The following SH3RF3 variants were observed in gnomAD, a reference collection of about 807,000 sequenced individuals.
SH3RF3 encodes SH3 domain containing ring finger 3.
In SH3RF3, 29 loss-of-function variants were observed where a neutral mutation model predicts 66.3. The observed-to-expected ratio is 0.44, with a 90% CI of 0.33 to 0.60. The LOEUF is 0.60. Among genes scored for constraint, SH3RF3 ranks in the 20% least tolerant of loss-of-function variants. SH3RF3 has a pLI of 0.04. For missense variants in SH3RF3, 1,194 were observed against 1,190.9 expected (o/e 1.00, Z -0.04); for synonymous variants, 583 against 532.0 (o/e 1.10, Z -1.32).
At chr2:109,449,131 T>C in intron 7 of SH3RF3, 39 bp from the exon 8 acceptor site, 1 of 1,595,366 alleles carries the variant, frequency 6.3e-7, no homozygotes, top group Non-Finnish European at 8.5e-7. Flanking sequence ...AGTTGCAAAC[T>C]AACCTTTCAA....
chr2:109,225,808 C>T (rs553527270), intron 1 of SH3RF3, among the ~76,000 whole-genome samples: 4 of 152,144 alleles, frequency 2.6e-5, no homozygotes, highest in East Asian at 1.9e-4. Flanking sequence ...CTCTGTTGCC[C>T]GGGCTGCACT....
intron 1 of SH3RF3, among the ~76,000 whole-genome samples, chr2:109,186,219 T>C (rs1678184138): frequency 6.6e-6 from 1 of 152,248 alleles, no homozygotes; most frequent in Non-Finnish European, 1.5e-5. Flanking sequence ...GAAGACGAAG[T>C]GAACTGGAGT....
At chr2:109,358,376 G>T (rs1682993486) in intron 2 of SH3RF3, among the ~76,000 whole-genome samples, 1 of 152,206 alleles carries the variant, frequency 6.6e-6, no homozygotes, top group Admixed American at 6.5e-5. Context: ...GCAGGTTTTT[G>T]TGTGGACATA....
chr2:109,384,043 G>GA (rs1228564948), intron 3 of SH3RF3, among the ~76,000 whole-genome samples: 1 of 152,182 alleles, frequency 6.6e-6, no homozygotes, highest in Admixed American at 6.5e-5. Context: ...TCCATCAGAG[G>GA]ACCACTTGCT....
chr2:109,275,514 G>T (rs370311000), intron 1 of SH3RF3, among the ~76,000 whole-genome samples: 1 of 152,112 alleles, frequency 6.6e-6, no homozygotes, highest in Admixed American at 6.5e-5. Flanking sequence ...GATTGTTCCC[G>T]ATGACCTAGT....
At chr2:109,405,058 C>T (rs1031149144) in intron 4 of SH3RF3, among the ~76,000 whole-genome samples, 1 of 148,390 alleles carries the variant, frequency 6.7e-6, no homozygotes. Flanking sequence ...TACACAAATA[C>T]CCCCCACCTT....
intron 1 of SH3RF3, among the ~76,000 whole-genome samples, chr2:109,188,723 G>A (rs373855129): frequency 1.8e-4 from 27 of 152,268 alleles, no homozygotes; most frequent in East Asian, 5.8e-4. Context: ...GGTGCTTGCC[G>A]TCAGTGTGTG....
chr2:109,389,416 G>C (rs573318652), intron 3 of SH3RF3, among the ~76,000 whole-genome samples: 1 of 152,352 alleles, frequency 6.6e-6, no homozygotes, highest in South Asian at 2.1e-4. Flanking sequence ...TTGACATCTT[G>C]ACCGAGGGCA....
chr2:109,381,967 A>G (rs1479912735), intron 3 of SH3RF3, among the ~76,000 whole-genome samples: 2 of 152,100 alleles, frequency 1.3e-5, no homozygotes, highest in African/African-American at 4.8e-5. Flanking sequence ...ATGAGGTGGA[A>G]TTTGGCTCTT....
At chr2:109,149,187 C>A (rs931186329) in intron 1 of SH3RF3, among the ~76,000 whole-genome samples, 1 of 152,106 alleles carries the variant, frequency 6.6e-6, no homozygotes, top group African/African-American at 2.4e-5. Context: ...CAGGGCAGGG[C>A]CACACTGCTG....
intron 9 of SH3RF3, among the ~76,000 whole-genome samples, chr2:109,491,831 GA>G (rs1484214320): frequency 6.6e-6 from 1 of 152,198 alleles, no homozygotes; most frequent in Non-Finnish European, 1.5e-5. Flanking sequence ...GTTTCTGCCA[GA>G]ACCTTTCCTC....
At chr2:109,248,719 CCTT>C (rs1310828635) in intron 1 of SH3RF3, among the ~76,000 whole-genome samples, 13 of 152,052 alleles carry the variant, frequency 8.5e-5, no homozygotes, top group East Asian at 1.9e-4. Context: ...TTCCTTGCCT[CCTT>C]CTTTTCTTTC....
At chr2:109,482,334 G>A (rs1422847933) in intron 8 of SH3RF3, among the ~76,000 whole-genome samples, 1 of 152,126 alleles carries the variant, frequency 6.6e-6, no homozygotes, top group Non-Finnish European at 1.5e-5. Flanking sequence ...TACACATGAG[G>A]GAAGTGGGGC....
At chr2:109,435,654 G>A (rs537075236) in intron 6 of SH3RF3, among the ~76,000 whole-genome samples, 73 of 152,382 alleles carry the variant, frequency 4.8e-4, no homozygotes, top group African/African-American at 1.6e-3. Flanking sequence ...AGGGCAGAGG[G>A]AAAGGGTTTT....
At chr2:109,132,169 T>G (rs1574466167) in intron 1 of SH3RF3, among the ~76,000 whole-genome samples, 1 of 152,208 alleles carries the variant, frequency 6.6e-6, no homozygotes, top group South Asian at 2.1e-4. Flanking sequence ...TATGCCATGA[T>G]AGCAGGTAAC....
intron 1 of SH3RF3, among the ~76,000 whole-genome samples, chr2:109,139,538 A>G (rs1482811192): frequency 6.6e-6 from 1 of 152,194 alleles, no homozygotes; most frequent in African/African-American, 2.4e-5. Context: ...AAAACTTCCA[A>G]TGCTAGAAAT....
At position 109,129,410 on chromosome 2, in the gene SH3RF3, G is replaced by A; in HGVS notation, c.-131G>A. The A allele has an allele frequency of 7.0e-7, 1 of 1,437,988 alleles. No homozygotes were observed. Among genetic ancestry groups the A allele is most frequent in the Non-Finnish European group, 9.3e-7 (1 of 1,075,568 alleles). The allele number at this position is 1,437,988 out of a possible 1,614,324, so 89.1% of individuals were successfully genotyped here. A position where few individuals can be genotyped will look rare whatever the true frequency, so the allele number is the denominator to read the frequency against. On this transcript the variant is annotated 5_prime_UTR_variant, in exon 1 of 10. Transcript: ENST00000309415. ...CGCACCGCCACAGCCCTAGCATCGG[G>A]CCACCAGCCGGGGTGAAGAAAGTCA...
intron 1 of SH3RF3, among the ~76,000 whole-genome samples, chr2:109,248,896 TG>T (rs1345693673): frequency 1.1e-4 from 5 of 47,504 alleles, no homozygotes; most frequent in Admixed American, 2.0e-4. Context: ...TTTCCTGTCC[TG>T]TCCTGTCCTG....
chr2:109,327,549 G>C (rs1030356315), intron 1 of SH3RF3, among the ~76,000 whole-genome samples: 1 of 152,160 alleles, frequency 6.6e-6, no homozygotes, highest in African/African-American at 2.4e-5. Flanking sequence ...AAATGCATTT[G>C]AACTATACAT....
Sources: gnomAD v4.1 joint callset for allele counts (sites outside exome capture counted in the v4.1 genomes callset) on GRCh38, gnomAD v4.1.1 for gene constraint, MANE v1.5 for transcripts, NCBI Gene and HGNC (gene_info 2026-07-23, HGNC 2026-07-21) for gene names.